Variants in TTLL11 observed in about 807,000 individuals in gnomAD.
The protein encoded by TTLL11 is tubulin tyrosine ligase like 11.
TTLL11 carries 42 observed loss-of-function variants against 51.7 expected under a neutral mutation model. The ratio of observed to expected loss-of-function variants is 0.81; its 90% confidence interval spans 0.64 to 1.05. TTLL11 has a LOEUF of 1.05. Ranked by LOEUF, TTLL11 falls within the 50% of genes least tolerant of loss-of-function variation. TTLL11 has a pLI of 0.00. For missense variants in TTLL11, 799 were observed against 940.4 expected (o/e 0.85, Z 1.97); for synonymous variants, 381 against 383.5 (o/e 0.99, Z 0.08).
intron 8 of TTLL11, among the ~76,000 whole-genome samples, chr9:121,843,937 G>A (rs993757500): frequency 6.6e-6 from 1 of 152,158 alleles, no homozygotes; most frequent in Non-Finnish European, 1.5e-5. Context: ...GCCTTCCAAA[G>A]TGCTGGGATT....
At chr9:122,092,526 C>T (rs1846289253) in intron 1 of TTLL11, among the ~76,000 whole-genome samples, 161 bp downstream of exon 1, 1 of 152,178 alleles carries the variant, frequency 6.6e-6, no homozygotes, top group Admixed American at 6.5e-5. Flanking sequence ...GGGGGTAGGC[C>T]TTGAAGGATG....
At chr9:121,900,328 G>A (rs141753444) in intron 6 of TTLL11, among the ~76,000 whole-genome samples, 1 of 152,318 alleles carries the variant, frequency 6.6e-6, no homozygotes, top group Non-Finnish European at 1.5e-5. Context: ...GAATTGCATT[G>A]TTACTGTTGC....
chr9:121,968,096 C>A (rs146726804), intron 6 of TTLL11, among the ~76,000 whole-genome samples: 1 of 152,144 alleles, frequency 6.6e-6, no homozygotes, highest in East Asian at 1.9e-4. Context: ...CTAAATGCCA[C>A]GGAATTGTGC....
chr9:121,961,200 C>G (rs1218981577), intron 6 of TTLL11, among the ~76,000 whole-genome samples: 1 of 152,130 alleles, frequency 6.6e-6, no homozygotes, highest in Admixed American at 6.6e-5. Context: ...AGCACTCTTC[C>G]CACTTTACCA....
At chr9:122,076,696 C>T (rs1845869289) in intron 1 of TTLL11, among the ~76,000 whole-genome samples, 1 of 146,616 alleles carries the variant, frequency 6.8e-6, no homozygotes, top group African/African-American at 2.5e-5. Context: ...AGTAAAGTTC[C>T]AAGGAACATA....
At chr9:122,056,442 G>C (rs1845293057) in intron 1 of TTLL11, among the ~76,000 whole-genome samples, 1 of 152,020 alleles carries the variant, frequency 6.6e-6, no homozygotes, top group African/African-American at 2.4e-5. Context: ...CTTTACCTAA[G>C]TGAAAAACCT....
chr9:121,911,579 A>G (rs1341398805), intron 6 of TTLL11, among the ~76,000 whole-genome samples: 1 of 152,230 alleles, frequency 6.6e-6, no homozygotes, highest in Non-Finnish European at 1.5e-5. Context: ...AATGTGGCAC[A>G]TATATACCAT....
chr9:121,916,171 G>A (rs1172245607), intron 6 of TTLL11, among the ~76,000 whole-genome samples: 2 of 152,132 alleles, frequency 1.3e-5, no homozygotes, highest in Non-Finnish European at 2.9e-5. Flanking sequence ...AAACAATGAT[G>A]TCCGGATCTG....
At chr9:121,860,675 C>T (rs1451902342) in intron 7 of TTLL11, among the ~76,000 whole-genome samples, 1 of 152,192 alleles carries the variant, frequency 6.6e-6, no homozygotes, top group Non-Finnish European at 1.5e-5. Flanking sequence ...CACTAGAGAG[C>T]CTGCCTCCTC....
intron 1 of TTLL11, among the ~76,000 whole-genome samples, chr9:122,048,188 G>C (rs956310634): frequency 6.6e-6 from 1 of 151,778 alleles, no homozygotes; most frequent in Non-Finnish European, 1.5e-5. Context: ...TTTTTTCAGA[G>C]ATGGGGTCTC....
chr9:121,917,026 C>G (rs1053672278), intron 6 of TTLL11, among the ~76,000 whole-genome samples: 4 of 152,176 alleles, frequency 2.6e-5, no homozygotes, highest in Non-Finnish European at 5.9e-5. Context: ...GAGGCTGACC[C>G]CAGTCCAAGG....
intron 1 of TTLL11, among the ~76,000 whole-genome samples, chr9:122,060,618 T>C (rs1209899451): frequency 6.6e-6 from 1 of 152,208 alleles, no homozygotes; most frequent in Non-Finnish European, 1.5e-5. Flanking sequence ...AGGAATCAGA[T>C]CTTGGTTTGA....
intron 1 of TTLL11, among the ~76,000 whole-genome samples, chr9:122,040,186 A>G (rs1349308119): frequency 6.6e-6 from 1 of 152,138 alleles, no homozygotes; most frequent in African/African-American, 2.4e-5. Context: ...AGAGACAAGA[A>G]AGGAGCAGGT....
At chr9:121,983,901 T>C (rs1307288171) in intron 4 of TTLL11, among the ~76,000 whole-genome samples, 1 of 152,072 alleles carries the variant, frequency 6.6e-6, no homozygotes, top group Non-Finnish European at 1.5e-5. Context: ...GGGAATGTGT[T>C]AGAGTCCAAA....
intron 4 of TTLL11, among the ~76,000 whole-genome samples, chr9:121,982,645 C>T (rs1842850739): frequency 1.4e-5 from 2 of 146,850 alleles, no homozygotes; most frequent in African/African-American, 5.1e-5. Context: ...CGCTTGAACC[C>T]AGGAGGCAGA....
intron 8 of TTLL11, among the ~76,000 whole-genome samples, chr9:121,834,403 G>T (rs904982632): frequency 2.0e-5 from 3 of 151,950 alleles, no homozygotes; most frequent in Admixed American, 2.0e-4. Context: ...CCCACTTACT[G>T]CCTGTCAAGG....
intron 8 of TTLL11, among the ~76,000 whole-genome samples, chr9:121,857,609 G>A (rs1837868078): frequency 6.6e-6 from 1 of 152,304 alleles, no homozygotes; most frequent in East Asian, 1.9e-4. Context: ...ACCTAGTCAG[G>A]GGCTGAGGTC....
chr9:121,848,675 T>A (rs1014756095), intron 8 of TTLL11, among the ~76,000 whole-genome samples: 1 of 152,032 alleles, frequency 6.6e-6, no homozygotes, highest in Non-Finnish European at 1.5e-5. Context: ...CAAAATAAAA[T>A]AAAATATTTA....
intron 6 of TTLL11, among the ~76,000 whole-genome samples, chr9:121,897,640 A>ACACACG (rs111331446): frequency 4.3e-5 from 6 of 139,390 alleles, no homozygotes; most frequent in Admixed American, 1.4e-4. Flanking sequence ...ACACACACAC[A>ACACACG]CGCGCGCGCG....
Sources: allele counts gnomAD v4.1 joint callset (sites outside exome capture counted in the v4.1 genomes callset), GRCh38; gene constraint gnomAD v4.1.1; transcripts MANE v1.5; gene names NCBI Gene and HGNC (gene_info 2026-07-23, HGNC 2026-07-21).